Variants in ABL2 observed in about 807,000 individuals in gnomAD.
ABL2 encodes the protein tyrosine-protein kinase ABL2.
ABL2 carries 49 observed loss-of-function variants against 107.7 expected under a neutral mutation model. That is an observed-to-expected ratio of 0.45 (90% CI 0.36 to 0.58). The LOEUF (loss-of-function observed/expected upper bound fraction) is 0.58. Ranked by LOEUF, ABL2 falls within the 20% of genes least tolerant of loss-of-function variation. The pLI, the probability that ABL2 is intolerant of heterozygous loss-of-function variation, is 0.00. For synonymous variants in ABL2, 549 were observed against 548.6 expected, an observed-to-expected ratio of 1.00 and a Z score of -0.01; for missense variants, 1,245 against 1,457.0, an observed-to-expected ratio of 0.85 and a Z score of 2.37.
chr1:179,139,242 C>T (rs1477115297), intron 1 of ABL2, among the ~76,000 whole-genome samples: 1 of 152,172 alleles, frequency 6.6e-6, no homozygotes, highest in African/African-American at 2.4e-5. Flanking sequence ...AGATCTGCAG[C>T]TTCACTCCTG....
At chr1:179,165,003 A>G (rs976687704) in intron 1 of ABL2, among the ~76,000 whole-genome samples, 3 of 152,216 alleles carry the variant, frequency 2.0e-5, no homozygotes, top group African/African-American at 7.2e-5. Flanking sequence ...ATTACAATTT[A>G]TATTGTAGTA....
At chr1:179,145,884 G>C (rs2102717705) in intron 1 of ABL2, among the ~76,000 whole-genome samples, 1 of 141,576 alleles carries the variant, frequency 7.1e-6, no homozygotes, top group Admixed American at 7.9e-5. Context: ...TGGCCATATG[G>C]TCTGATCTCC....
chr1:179,114,279 C>G (rs908383289), intron 9 of ABL2, among the ~76,000 whole-genome samples: 1 of 151,464 alleles, frequency 6.6e-6, no homozygotes, highest in Non-Finnish European at 1.5e-5. Context: ...GCATGGTGTG[C>G]GTGCCTGTGG....
intron 1 of ABL2, among the ~76,000 whole-genome samples, chr1:179,139,909 T>C (rs1657416388): frequency 6.6e-6 from 1 of 152,064 alleles, no homozygotes; most frequent in African/African-American, 2.4e-5. Flanking sequence ...AAACCACCGC[T>C]CCCCACCCAG....
At chr1:179,135,155 G>A (rs942651792) in intron 1 of ABL2, among the ~76,000 whole-genome samples, 28 of 151,972 alleles carry the variant, frequency 1.8e-4, no homozygotes, top group African/African-American at 5.1e-4. Flanking sequence ...CCGCCACCCC[G>A]TCTGGGAAGT....
chr1:179,158,942 A>AT (rs1217159321), intron 1 of ABL2, among the ~76,000 whole-genome samples: 1 of 152,214 alleles, frequency 6.6e-6, no homozygotes, highest in African/African-American at 2.4e-5. Flanking sequence ...TTGAGTACCT[A>AT]ACACATGTGA....
At chr1:179,211,896 G>A (rs1194244862) in intron 1 of ABL2, among the ~76,000 whole-genome samples, 1 of 152,084 alleles carries the variant, frequency 6.6e-6, no homozygotes, top group East Asian at 1.9e-4. Flanking sequence ...ACTGTAACAT[G>A]CCAGGTACAA....
At chr1:179,195,368 C>A (rs896103095) in intron 1 of ABL2, among the ~76,000 whole-genome samples, 6 of 152,236 alleles carry the variant, frequency 3.9e-5, no homozygotes, top group African/African-American at 1.2e-4. Flanking sequence ...CACACGAACA[C>A]AGAAAATAAC....
chr1:179,205,729 G>T (rs1039831030), intron 1 of ABL2, among the ~76,000 whole-genome samples: 3 of 152,158 alleles, frequency 2.0e-5, no homozygotes, highest in Non-Finnish European at 4.4e-5. Context: ...GGGTAAGGGG[G>T]ATTGTTGTTG....
chr1:179,161,496 T>C (rs1435119033), intron 1 of ABL2, among the ~76,000 whole-genome samples: 1 of 151,988 alleles, frequency 6.6e-6, no homozygotes, highest in Non-Finnish European at 1.5e-5. Flanking sequence ...GGTGGTAAAA[T>C]CTCTGGAGTT....
intron 6 of ABL2, among the ~76,000 whole-genome samples, chr1:179,119,324 C>G (rs183181348): frequency 4.6e-5 from 7 of 152,108 alleles, no homozygotes; most frequent in Non-Finnish European, 7.4e-5. Flanking sequence ...GGCAGATCGC[C>G]TGAGCCCAGC....
chr1:179,124,486 T>TTTTTG (rs869136521), intron 4 of ABL2, among the ~76,000 whole-genome samples: 2 of 146,520 alleles, frequency 1.4e-5, no homozygotes, highest in South Asian at 4.4e-4. Flanking sequence ...TTTTTTTTTT[T>TTTTTG]GAGACAGAGT....
intron 1 of ABL2, among the ~76,000 whole-genome samples, chr1:179,149,369 C>T (rs1003158517): frequency 1.3e-5 from 2 of 152,210 alleles, no homozygotes; most frequent in African/African-American, 4.8e-5. Context: ...AAGCCATGTC[C>T]TTAACATAAA....
chr1:179,210,861 T>A (rs959571962), intron 1 of ABL2, among the ~76,000 whole-genome samples: 3 of 151,278 alleles, frequency 2.0e-5, no homozygotes, highest in African/African-American at 7.3e-5. Flanking sequence ...CTCAAAAAAA[T>A]AATAATAATA....
At position 179,099,891 on chromosome 1, in the gene ABL2, A is replaced by G. The variant is rs759979676; in HGVS notation, c.*7827T>C. 8.6e-6 allele frequency: 2 copies of G among 232,626 alleles called. No individual in the cohort carries two copies. The highest frequency in any genetic ancestry group is 2.2e-5 in the African/African-American group (1 of 45,318). The allele number at this position is 232,626 out of a possible 1,614,324, so 14.4% of individuals were successfully genotyped here. A position where few individuals can be genotyped will look rare whatever the true frequency, so the allele number is the denominator to read the frequency against. ...GAGGAGATGGAGGTTCTGAGTATAC[A>G]TCAACAGCTAAGTCAGCCTGTTCAC... On this transcript the variant is annotated 3_prime_UTR_variant, in exon 12 of 12. Coordinates refer to ENST00000502732, the MANE Select transcript of ABL2 (RefSeq NM_007314.4).
chr1:179,184,696 T>C (rs1198022713), intron 1 of ABL2: 5 of 446,828 alleles, frequency 1.1e-5, no homozygotes, highest in Middle Eastern at 7.1e-4. Context: ...AGATGACTAA[T>C]AGAACACTGA....
chr1:179,229,297 C>T lies in ABL2; in HGVS notation c.101G>A (p.Arg34Lys). Residue 34 changes from arginine (R) to lysine (K), a missense_variant, in exon 1 of 12, where the codon AGG (arginine) becomes AAG (lysine). Transcript: ENST00000502732. ...TGTGGTGCGCCCCGCCGGGTCCCGC[C>T]TGCGGCCGGAGGGCCTGGCTGCACT... ...GSSAARPSGRRRDPAGRTTET... is the reference protein window; with the variant it reads ...GSSAARPSGRKRDPAGRTTET... The T allele has an allele frequency of 6.3e-7, 1 of 1,578,400 alleles. No homozygotes were observed. Among genetic ancestry groups the T allele is most frequent in the Non-Finnish European group, 8.6e-7 (1 of 1,164,258 alleles).
intron 1 of ABL2, among the ~76,000 whole-genome samples, chr1:179,223,614 T>C (rs765582459): frequency 6.6e-6 from 1 of 152,178 alleles, no homozygotes; most frequent in Non-Finnish European, 1.5e-5. Flanking sequence ...TACACAGATT[T>C]GGAGATTAAT....
chr1:179,157,528 A>G (rs995877780), intron 1 of ABL2, among the ~76,000 whole-genome samples: 1 of 151,938 alleles, frequency 6.6e-6, no homozygotes, highest in Non-Finnish European at 1.5e-5. Flanking sequence ...CTGAACTGGT[A>G]TGCAAATATT....
Sources: gnomAD v4.1 joint callset for allele counts (sites outside exome capture counted in the v4.1 genomes callset) on GRCh38, gnomAD v4.1.1 for gene constraint, MANE v1.5 for transcripts, NCBI Gene and HGNC (gene_info 2026-07-23, HGNC 2026-07-21) for gene names.